The following MRPS11 variants were observed in gnomAD, a reference collection of about 807,000 sequenced individuals.
MRPS11 encodes mitochondrial ribosomal protein S11.
Under a neutral mutation model 24.3 loss-of-function variants are expected in MRPS11, and 27 were observed. That is an observed-to-expected ratio of 1.11 (90% CI 0.82 to 1.53). MRPS11 has a LOEUF of 1.53. MRPS11 is among the 40% of genes most tolerant of loss of function. The pLI, the probability that MRPS11 is intolerant of heterozygous loss-of-function variation, is 0.00. For missense variants in MRPS11, 277 were observed against 256.5 expected (o/e 1.08, Z -0.55); for synonymous variants, 104 against 98.7 (o/e 1.05, Z -0.32).
At position 88,475,244 on chromosome 15, in the gene MRPS11, G is replaced by A. The variant is rs992642891; in HGVS notation, c.411+5G>A. On this transcript the variant is annotated splice_donor_5th_base_variant and intron_variant, in intron 4 of 5. Transcript: ENST00000325844. The surrounding 1 kb of genome is among the most constrained non-coding windows in gnomAD (Gnocchi z 4.1). ...GCAGGCATAGCCGCAGCGGCGGTAAGTGTGTGTTCCTTCTGCTTCCTTCTA... is the reference window on the plus strand; with the variant it reads ...GCAGGCATAGCCGCAGCGGCGGTAAATGTGTGTTCCTTCTGCTTCCTTCTA... 1 of 1,614,080 alleles carries A rather than the reference G, an allele frequency of 6.2e-7. No homozygotes were observed.
At chr15:88,473,275 C>T (rs1053090085) in intron 3 of MRPS11, among the ~76,000 whole-genome samples, 2 of 152,132 alleles carry the variant, frequency 1.3e-5, no homozygotes, top group African/African-American at 4.8e-5. Flanking sequence ...GGCTTACAGA[C>T]GGGGACAGTG....
intron 2 of MRPS11, among the ~76,000 whole-genome samples, chr15:88,470,241 G>A (rs1020455229): frequency 2.0e-5 from 3 of 152,156 alleles, no homozygotes; most frequent in South Asian, 2.1e-4. Context: ...CTTGAACCCC[G>A]GAGACGGAGG....
At chr15:88,474,415 C>T (rs2055777379) in intron 3 of MRPS11, among the ~76,000 whole-genome samples, 2 of 152,052 alleles carry the variant, frequency 1.3e-5, no homozygotes, top group Admixed American at 1.3e-4. Flanking sequence ...CAAAATTAGC[C>T]AGGCATGGTG....
At chr15:88,471,490 TC>T (rs1287720531) in intron 2 of MRPS11, among the ~76,000 whole-genome samples, 2 of 152,168 alleles carry the variant, frequency 1.3e-5, no homozygotes, top group African/African-American at 4.8e-5. Context: ...CAAGTTTATT[TC>T]CAGCTCCATT....
intron 4 of MRPS11, 30 bp from the exon 5 acceptor site, chr15:88,476,959 C>G (rs755959803): frequency 6.2e-7 from 1 of 1,607,226 alleles, no homozygotes; most frequent in Non-Finnish European, 8.5e-7. Context: ...GTTCTCTCTC[C>G]GGGGCACTAA....
At chr15:88,472,947 A>G (rs2055746428) in intron 3 of MRPS11, among the ~76,000 whole-genome samples, 1 of 152,244 alleles carries the variant, frequency 6.6e-6, no homozygotes, top group South Asian at 2.1e-4. Flanking sequence ...TATCCTAGTT[A>G]TAAGAATTCT....
Position 88,480,685 on chromosome 15 carries a change from A to G in MRPS11, c.*2706A>G, listed in dbSNP as rs1038875663. The G allele has an allele frequency of 6.6e-6, 1 of 151,772 alleles. No individual in the cohort carries two copies. Among genetic ancestry groups the G allele is most frequent in the African/African-American group, 2.4e-5 (1 of 41,284 alleles). 9.4% of individuals were successfully genotyped at this position (151,772 alleles called of 1,614,324 possible). ...GGGGAGGCCGCCTTGTTGACTGTGC[A>G]CTGGAAAATGCACATTGCTTTATCG... On this transcript the variant is annotated 3_prime_UTR_variant, in exon 6 of 6. Transcript: ENST00000325844. This position sits in a 1 kb window ranked among gnomAD's most constrained non-coding sequence, Gnocchi z 5.1.
chr15:88,473,751 A>G (rs1217212782), intron 3 of MRPS11, among the ~76,000 whole-genome samples: 1 of 152,172 alleles, frequency 6.6e-6, no homozygotes, highest in Admixed American at 6.5e-5. Context: ...CCCTTCAGTC[A>G]CTTCTCCTGC....
In MRPS11 at chr15:88,477,892, C is replaced by G; in HGVS notation, c.498C>G (p.Ile166Met). 1.2e-6 allele frequency: 2 copies of G among 1,614,140 alleles called. No homozygotes were observed. Among genetic ancestry groups the G allele is most frequent in the Non-Finnish European group, 1.7e-6 (2 of 1,180,016 alleles). ...PGRLSAMHGL[I>M]MGGLEVISIT... The stretch of plus-strand genomic sequence containing the variant: ...TCCAGTCTGCCATGCACGGACTGAT[C>G]ATGGGCGGCCTGGAAGTGATCTCAA... Residue 166 changes from isoleucine (I) to methionine (M), a missense_variant, in exon 6 of 6, where the codon ATC becomes ATG. Ile to Met is a conservative substitution (Grantham distance 10). Transcript: ENST00000325844. This position sits in a 1 kb window ranked among gnomAD's most constrained non-coding sequence, Gnocchi z 5.7.
Position 88,475,085 on chromosome 15 carries a change from T to C in MRPS11, c.282-25T>C. 6.2e-7 allele frequency: 1 copy of C among 1,613,868 alleles called. No homozygotes were observed. Among genetic ancestry groups the C allele is most frequent in the Non-Finnish European group, 8.5e-7 (1 of 1,179,796 alleles). ...ATTTCCCTGAAGAAGAGTTGTATCC[T>C]ATGTGCTTCTTCTACTTTTCTCAGC... is the stretch of plus-strand genomic sequence containing the variant. On this transcript the variant is annotated intron_variant, in intron 3 of 5. Transcript: ENST00000325844. The surrounding 1 kb of genome is among the most constrained non-coding windows in gnomAD (Gnocchi z 4.1).
In MRPS11 at chr15:88,477,076, A is replaced by G. The variant is rs1361641681; in HGVS notation, c.477+22A>G. ...CTTGGTAAGTTACAGTGATTTCCAT[A>G]GTGTACTTGCCTCCTAGTAAGTGTG... On this transcript the variant is annotated intron_variant, in intron 5 of 5. Coordinates refer to ENST00000325844, the MANE Select transcript of MRPS11 (RefSeq NM_022839.5). This position sits in a 1 kb window ranked among gnomAD's most constrained non-coding sequence, Gnocchi z 5.7. 1.9e-6 allele frequency: 3 copies of G among 1,611,602 alleles called. No homozygotes were observed. Among genetic ancestry groups the G allele is most frequent in the Non-Finnish European group, 2.5e-6 (3 of 1,178,354 alleles).
At chr15:88,474,559 C>CAAAAAAA (rs61044753) in intron 3 of MRPS11, among the ~76,000 whole-genome samples, 3 of 138,858 alleles carry the variant, frequency 2.2e-5, no homozygotes, top group African/African-American at 7.9e-5. Context: ...AACTCCATCT[C>CAAAAAAA]AAAAAAAAAA....
intron 2 of MRPS11, among the ~76,000 whole-genome samples, chr15:88,471,086 G>A (rs966466400): frequency 1.3e-5 from 2 of 152,186 alleles, no homozygotes; most frequent in African/African-American, 4.8e-5. Context: ...AGTGGGAGCT[G>A]GGAGAAAGTC....
In MRPS11 at chr15:88,475,329, A is replaced by T; in HGVS notation, c.411+90A>T. 1.3e-6 allele frequency: 2 copies of T among 1,544,388 alleles called. No individual in the cohort carries two copies. Among genetic ancestry groups the T allele is most frequent in the Non-Finnish European group, 1.8e-6 (2 of 1,139,156 alleles). ...GTGGAGAATCCTCATTATACTACCC[A>T]TTCAGAAGCAAGGGTTTGTCATGGC... On this transcript the variant is annotated intron_variant, in intron 4 of 5. Coordinates refer to ENST00000325844, the MANE Select transcript of MRPS11 (RefSeq NM_022839.5). The surrounding 1 kb of genome is among the most constrained non-coding windows in gnomAD (Gnocchi z 4.1).
rs1423250656 is a variant in MRPS11, at chr15:88,477,630, A to G, written c.478-242A>G. 1.3e-5 allele frequency among the ~76,000 whole-genome samples: 2 copies of G among 152,180 alleles called. No homozygotes were observed. The highest frequency in any genetic ancestry group is 3.9e-4 in the East Asian group (2 of 5,188). On this transcript the variant is annotated intron_variant, in intron 5 of 5. Transcript: ENST00000325844. This position sits in a 1 kb window ranked among gnomAD's most constrained non-coding sequence, Gnocchi z 5.7. ...TCTTTGTTCGCAGATCGTAAAGTGC[A>G]AAGTGGAAAGTGGTGGGTACAGTTT...
At chr15:88,474,296 A>G (rs895498990) in intron 3 of MRPS11, among the ~76,000 whole-genome samples, 1 of 152,270 alleles carries the variant, frequency 6.6e-6, no homozygotes, top group African/African-American at 2.4e-5. Flanking sequence ...GAGGTGGCTC[A>G]TGCCTGTAAT....
In MRPS11 at chr15:88,478,090, G is replaced by A. The variant is rs2055861237; in HGVS notation, c.*111G>A. The A allele has an allele frequency of 3.5e-6, 3 of 864,664 alleles. No individual in the cohort carries two copies. Among genetic ancestry groups the A allele is most frequent in the Admixed American group, 2.1e-5 (1 of 47,414 alleles). 53.6% of individuals were successfully genotyped at this position (864,664 alleles called of 1,614,324 possible). ...AATATGCTTGTTGGAGATCCTTCAG[G>A]CAGTAAGGGAGAGTTTTGCCTCCTT... On this transcript the variant is annotated 3_prime_UTR_variant, in exon 6 of 6. Coordinates refer to ENST00000325844, the MANE Select transcript of MRPS11 (RefSeq NM_022839.5). The surrounding 1 kb of genome is among the most constrained non-coding windows in gnomAD (Gnocchi z 4.7).
chr15:88,468,010 C>A lies in MRPS11; in HGVS notation c.168C>A (p.Ser56Arg). The A allele has an allele frequency of 6.2e-7, 1 of 1,604,494 alleles. No individual in the cohort carries two copies. Among genetic ancestry groups the A allele is most frequent in the Non-Finnish European group, 8.5e-7 (1 of 1,175,640 alleles). The change falls in exon 2 of 6, where the codon AGC (serine) becomes AGA (arginine). Residue 56 changes from serine to arginine, a missense_variant. Ser to Arg is a moderately radical substitution (Grantham distance 110). Transcript: ENST00000325844. The part of the protein sequence containing the change: ...KQKVEQNAAP[S>R]HTKFSIYPPI... Reference sequence around the variant, plus strand: ...AAGTTGAACAGAACGCGGCTCCCAGCCACACCAAGTTCAGGTGAGCCCCAC... The same window carrying A: ...AAGTTGAACAGAACGCGGCTCCCAGACACACCAAGTTCAGGTGAGCCCCAC...
At chr15:88,476,496 A>G (rs1567046512) in intron 4 of MRPS11, among the ~76,000 whole-genome samples, 1 of 152,220 alleles carries the variant, frequency 6.6e-6, no homozygotes, top group Non-Finnish European at 1.5e-5. Context: ...GAAAAGAAGT[A>G]TGTCACTGTT....
Sources: gnomAD v4.1 joint callset for allele counts (sites outside exome capture counted in the v4.1 genomes callset) on GRCh38, gnomAD v4.1.1 for gene constraint, Gnocchi (gnomAD v3.1) non-coding constraint, MANE v1.5 for transcripts, NCBI Gene and HGNC (gene_info 2026-07-23, HGNC 2026-07-21) for gene names.